MTMR12: variants seen among roughly 807,000 people sequenced by gnomAD.
MTMR12 encodes the protein myotubularin-related protein 12.
A neutral mutation model predicts 96.7 loss-of-function variants in MTMR12; 33 were observed. The ratio of observed to expected loss-of-function variants is 0.34; its 90% CI spans 0.26 to 0.46. The LOEUF (loss-of-function observed/expected upper bound fraction) is 0.46, where lower values mean the gene tolerates loss of function less well. MTMR12 is among the 20% of genes least tolerant of loss of function. The pLI, the probability that MTMR12 is intolerant of heterozygous loss-of-function variation, is 1.00. For missense variants in MTMR12, 721 were observed against 896.1 expected (o/e 0.80, Z 2.49); for synonymous variants, 298 against 327.2 (o/e 0.91, Z 0.96).
chr5:32,312,718 C>CGCCCCTGCCCGACGCCCCGCCT lies in MTMR12; in HGVS notation c.81+18_81+39dup. On this transcript the variant is annotated intron_variant, in intron 1 of 15. Coordinates refer to ENST00000382142, the MANE Select transcript of MTMR12 (RefSeq NM_001040446.3). The surrounding 1 kb of genome is among the most constrained non-coding windows in gnomAD (Gnocchi z 5.0). ...GGCTCCCGGCGCCCCTCGCCCCGGC[C>CGCCCCTGCCCGACGCCCCGCCT]GCCCCTGCCCGACGCCCCGCCTGCG... is the stretch of plus-strand genomic sequence containing the variant. 1 of 1,429,316 alleles carries CGCCCCTGCCCGACGCCCCGCCT rather than the reference C, an allele frequency of 7.0e-7. No homozygotes were observed. Among genetic ancestry groups the CGCCCCTGCCCGACGCCCCGCCT allele is most frequent in the Non-Finnish European group, 9.2e-7 (1 of 1,092,810 alleles). 88.5% of individuals were successfully genotyped at this position (1,429,316 alleles called of 1,614,324 possible). A position where few individuals can be genotyped will look rare whatever the true frequency, so the allele number is the denominator to read the frequency against.
At chr5:32,247,923 A>C (rs1748764710) in intron 10 of MTMR12, 79 bp downstream of exon 10, 1 of 1,537,404 alleles carries the variant, frequency 6.5e-7, no homozygotes, top group Admixed American at 1.8e-5. Context: ...CCCAGGGAAA[A>C]GGCACCAACT....
intron 1 of MTMR12, among the ~76,000 whole-genome samples, chr5:32,307,795 A>G (rs557906330): frequency 1.2e-4 from 19 of 152,342 alleles, no homozygotes; most frequent in African/African-American, 3.8e-4. Flanking sequence ...AAAATACTTT[A>G]TCCAGTTAAG....
chr5:32,286,056 A>G (rs1475992812), intron 1 of MTMR12, among the ~76,000 whole-genome samples: 1 of 152,184 alleles, frequency 6.6e-6, no homozygotes, highest in Non-Finnish European at 1.5e-5. Flanking sequence ...AATGATGAAT[A>G]AGGCCAGGCA....
chr5:32,268,384 T>C (rs966118407), intron 6 of MTMR12, among the ~76,000 whole-genome samples: 10 of 152,028 alleles, frequency 6.6e-5, no homozygotes, highest in Non-Finnish European at 8.8e-5. Flanking sequence ...GGTGGGCACC[T>C]GTAATCCCAG....
At chr5:32,281,265 C>CAA (rs1178163931) in intron 1 of MTMR12, among the ~76,000 whole-genome samples, 1 of 132,638 alleles carries the variant, frequency 7.5e-6, no homozygotes, top group Admixed American at 7.8e-5. Flanking sequence ...AAAAAAAAAA[C>CAA]AAAAAAAACT....
chr5:32,239,599 G>T (rs977460977), intron 12 of MTMR12, among the ~76,000 whole-genome samples: 1 of 152,100 alleles, frequency 6.6e-6, no homozygotes, highest in African/African-American at 2.4e-5. Context: ...TCCTCCTGGG[G>T]TGTGGACGCC....
At chr5:32,281,944 G>C (rs796451062) in intron 1 of MTMR12, among the ~76,000 whole-genome samples, 5 of 151,240 alleles carry the variant, frequency 3.3e-5, no homozygotes, top group African/African-American at 1.2e-4. Flanking sequence ...GGACCTGCTT[G>C]GGCATGCACA....
In MTMR12 at chr5:32,271,967, G is replaced by C. The variant is rs934467991; in HGVS notation, c.286-62C>G. 5.9e-6 allele frequency: 6 copies of C among 1,020,276 alleles called. No individual in the cohort carries two copies. The African/African-American group carries it at 1.0e-4, about 17-fold the overall frequency. 63.2% of individuals were successfully genotyped at this position (1,020,276 alleles called of 1,614,324 possible). ...GCATACTGTTAGACATTTATAGGCA[G>C]AGTAAATCACCATTCTCTACTTGGA... On this transcript the variant is annotated intron_variant, in intron 3 of 15. Coordinates refer to ENST00000382142, the MANE Select transcript of MTMR12 (RefSeq NM_001040446.3).
intron 6 of MTMR12, 93 bp downstream of exon 6, chr5:32,268,608 A>G (rs1341407748): frequency 9.6e-7 from 1 of 1,044,664 alleles, no homozygotes; most frequent in Non-Finnish European, 1.5e-6. Context: ...GGAAAAAACA[A>G]AACAACCCAT....
intron 7 of MTMR12, among the ~76,000 whole-genome samples, chr5:32,257,930 A>G (rs950210796): frequency 1.3e-5 from 2 of 152,088 alleles, no homozygotes; most frequent in African/African-American, 4.8e-5. Flanking sequence ...ACAAATATAA[A>G]TAAAATGTAG....
intron 6 of MTMR12, among the ~76,000 whole-genome samples, chr5:32,264,186 A>C (rs779741075): frequency 2.0e-5 from 3 of 151,824 alleles, no homozygotes; most frequent in Non-Finnish European, 4.4e-5. Flanking sequence ...GCAGCCTAGC[A>C]GATGTGTCCT....
intron 2 of MTMR12, 25 bp from the exon 3 acceptor site, chr5:32,274,147 C>T (rs752439426): frequency 6.2e-7 from 1 of 1,610,924 alleles, no homozygotes; most frequent in East Asian, 2.2e-5. Context: ...AACAGGTCCT[C>T]CTTAGAGTTC....
intron 1 of MTMR12, among the ~76,000 whole-genome samples, chr5:32,278,557 A>C (rs1206020542): frequency 6.6e-6 from 1 of 152,152 alleles, no homozygotes; most frequent in African/African-American, 2.4e-5. Flanking sequence ...GAGGTGACTA[A>C]GATGCCAGTA....
intron 4 of MTMR12, among the ~76,000 whole-genome samples, chr5:32,271,601 C>T (rs77570602): frequency 0.023 from 3,569 of 152,214 alleles, 147 homozygotes; most frequent in African/African-American, 0.08. Context: ...ATAATGGTGT[C>T]GTGTGAAGTA....
At chr5:32,235,294 A>G (rs1348001716) in intron 13 of MTMR12, among the ~76,000 whole-genome samples, 165 bp from the exon 14 acceptor site, 2 of 152,246 alleles carry the variant, frequency 1.3e-5, no homozygotes, top group Non-Finnish European at 1.5e-5. Flanking sequence ...AATATGCTCA[A>G]CTGAAATCAC....
intron 6 of MTMR12, among the ~76,000 whole-genome samples, chr5:32,267,702 T>C (rs545442856): frequency 6.6e-6 from 1 of 152,340 alleles, no homozygotes; most frequent in South Asian, 2.1e-4. Context: ...CAAGAAATTC[T>C]CTATGGTCTT....
intron 1 of MTMR12, among the ~76,000 whole-genome samples, chr5:32,302,181 G>T (rs1751178242): frequency 6.6e-6 from 1 of 152,142 alleles, no homozygotes; most frequent in South Asian, 2.1e-4. Context: ...AGGAAATGAA[G>T]GACAGGGTAC....
intron 8 of MTMR12, among the ~76,000 whole-genome samples, chr5:32,251,685 G>A (rs1024062283): frequency 5.3e-5 from 8 of 152,196 alleles, no homozygotes; most frequent in South Asian, 2.1e-4. Flanking sequence ...GGAGACAGAA[G>A]GATGTCTTCA....
At chr5:32,269,199 G>A (rs527387881) in intron 5 of MTMR12, among the ~76,000 whole-genome samples, 1 of 151,918 alleles carries the variant, frequency 6.6e-6, no homozygotes, top group South Asian at 2.1e-4. Context: ...ACTAATCTTT[G>A]TATTTCTAGT....
Sources: gnomAD v4.1 joint callset for allele counts (sites outside exome capture counted in the v4.1 genomes callset) on GRCh38, gnomAD v4.1.1 for gene constraint, Gnocchi (gnomAD v3.1) non-coding constraint, MANE v1.5 for transcripts, NCBI Gene and HGNC (gene_info 2026-07-23, HGNC 2026-07-21) for gene names.